The following EEF1AKMT2 variants were observed in gnomAD, a reference collection of about 807,000 sequenced individuals.
The protein encoded by EEF1AKMT2 is EEF1A lysine methyltransferase 2.
EEF1AKMT2 carries 32 observed loss-of-function variants against 35.8 expected under a neutral mutation model. The ratio of observed to expected loss-of-function variants is 0.89; its 90% CI spans 0.67 to 1.20. EEF1AKMT2 has a LOEUF of 1.20. EEF1AKMT2 is among the 50% of genes most tolerant of loss of function. The probability of loss-of-function intolerance (pLI) is 0.00; values close to 1 mark genes in which losing one functional copy is unlikely to be tolerated. For missense variants in EEF1AKMT2, 330 were observed against 347.5 expected, an observed-to-expected ratio of 0.95 and a Z score of 0.40; for synonymous variants, 121 against 133.7, an observed-to-expected ratio of 0.91 and a Z score of 0.65.
At chr10:124,773,185 T>C (rs1008569464) in intron 4 of EEF1AKMT2, among the ~76,000 whole-genome samples, 1 of 152,190 alleles carries the variant, frequency 6.6e-6, no homozygotes, top group Non-Finnish European at 1.5e-5. Flanking sequence ...GGGTTGTTTA[T>C]TTTTTATCCT....
At chr10:124,767,901 G>C (rs566908502) in intron 4 of EEF1AKMT2, among the ~76,000 whole-genome samples, 40 of 152,298 alleles carry the variant, frequency 2.6e-4, no homozygotes, top group African/African-American at 8.9e-4. Context: ...CAGGAGAATC[G>C]TTTGAACCCA....
intron 3 of EEF1AKMT2, among the ~76,000 whole-genome samples, chr10:124,778,598 C>T (rs1950508920): frequency 6.6e-6 from 1 of 151,986 alleles, no homozygotes; most frequent in Non-Finnish European, 1.5e-5. Context: ...GTGGCACATG[C>T]CTGTAATCCC....
At chr10:124,772,414 CTTTTT>C (rs1950444755) in intron 4 of EEF1AKMT2, among the ~76,000 whole-genome samples, 1 of 116,096 alleles carries the variant, frequency 8.6e-6, no homozygotes, top group African/African-American at 3.1e-5. Context: ...GGCTTCTTTT[CTTTTT>C]CTTTTTTTTT....
chr10:124,767,855 G>C (rs551324407), intron 4 of EEF1AKMT2, among the ~76,000 whole-genome samples: 40 of 152,004 alleles, frequency 2.6e-4, no homozygotes, highest in African/African-American at 8.9e-4. Flanking sequence ...GCGTGGTGGC[G>C]CATGCCAGTA....
intron 4 of EEF1AKMT2, among the ~76,000 whole-genome samples, chr10:124,771,781 A>G (rs929019256): frequency 6.6e-6 from 1 of 152,106 alleles, no homozygotes; most frequent in Non-Finnish European, 1.5e-5. Context: ...AGGCAGGAGA[A>G]TGGCATGAAC....
intron 3 of EEF1AKMT2, among the ~76,000 whole-genome samples, chr10:124,780,895 T>C (rs1950533692): frequency 6.6e-6 from 1 of 151,302 alleles, no homozygotes; most frequent in Non-Finnish European, 1.5e-5. Context: ...AAAACAACAA[T>C]TCAAATGACT....
chr10:124,781,757 A>C (rs1950542513), intron 3 of EEF1AKMT2, among the ~76,000 whole-genome samples: 1 of 151,932 alleles, frequency 6.6e-6, no homozygotes, highest in African/African-American at 2.4e-5. Context: ...AGAAAGAAAA[A>C]AAAAAAGCTC....
At position 124,774,725 on chromosome 10, in the gene EEF1AKMT2, G is replaced by C; in HGVS notation, c.349C>G (p.Leu117Val). ...TCTTTTTCTATAATACTTCCAGAAA[G>C]CTGAATTGCAGAAGGAGAGTAATCA... ...GIDYSPSAIQ[L>V]SGSIIEKEGL... Residue 117 changes from leucine (L) to valine (V), a missense_variant, in exon 4 of 7, where the codon CTT (leucine) becomes GTT (valine). Physicochemically the swap from Leu to Val is conservative, Grantham distance 32. Transcript: ENST00000368836. The C allele has an allele frequency of 2.7e-6, 4 of 1,485,440 alleles. No individual in the cohort carries two copies. The highest frequency in any genetic ancestry group is 3.6e-6 in the Non-Finnish European group (4 of 1,122,156). The allele number at this position is 1,485,440 out of a possible 1,614,324, so 92.0% of individuals were successfully genotyped here.
At chr10:124,771,154 C>T (rs1008205294) in intron 4 of EEF1AKMT2, among the ~76,000 whole-genome samples, 2 of 151,368 alleles carry the variant, frequency 1.3e-5, no homozygotes, top group Non-Finnish European at 2.9e-5. Context: ...GGCTGGAGTG[C>T]AGCGGCTAGA....
At chr10:124,791,126 C>T (rs1201647819) in intron 1 of EEF1AKMT2, among the ~76,000 whole-genome samples, 1 of 152,140 alleles carries the variant, frequency 6.6e-6, no homozygotes, top group Non-Finnish European at 1.5e-5. Context: ...TCCCTGCTCC[C>T]TCTCATCCCG....
At chr10:124,789,702 T>A (rs2134146953) in intron 2 of EEF1AKMT2, among the ~76,000 whole-genome samples, 1 of 150,278 alleles carries the variant, frequency 6.7e-6, no homozygotes, top group Non-Finnish European at 1.5e-5. Flanking sequence ...ATGTAACGAG[T>A]TATGATGATC....
chr10:124,791,644 G>T, intron 1 of EEF1AKMT2, 80 bp downstream of exon 1: 2 of 1,529,502 alleles, frequency 1.3e-6, no homozygotes, highest in South Asian at 2.4e-5. Flanking sequence ...CTGAGCCCCG[G>T]GTCTCCACCC....
chr10:124,779,874 A>G (rs1950525736), intron 3 of EEF1AKMT2, among the ~76,000 whole-genome samples: 1 of 151,132 alleles, frequency 6.6e-6, no homozygotes, highest in Admixed American at 6.6e-5. Context: ...CATCCTGGCT[A>G]ACAGAGTGAA....
chr10:124,773,682 G>A (rs1359864704), intron 4 of EEF1AKMT2, among the ~76,000 whole-genome samples: 1 of 152,034 alleles, frequency 6.6e-6, no homozygotes, highest in African/African-American at 2.4e-5. Context: ...ATCTTACGTG[G>A]GCACAGTTCA....
intron 3 of EEF1AKMT2, among the ~76,000 whole-genome samples, chr10:124,787,915 C>T (rs1488005140): frequency 1.3e-5 from 2 of 152,144 alleles, no homozygotes; most frequent in African/African-American, 4.8e-5. Context: ...CACTATATCT[C>T]AATGTTTCAA....
chr10:124,765,440 TTATTAGA>T lies in EEF1AKMT2; in HGVS notation c.561_567del (p.Phe187LeufsTer12), dbSNP rs774663454. On this transcript the variant is annotated frameshift_variant, in exon 5 of 7. Transcript: ENST00000368836. LOFTEE classifies it high-confidence loss of function. ...TCTTCCTTGGTCCAATTACATGACG[TTATTAGA>T]AAAAAGCCTTTTACTTTCAACACCC... 1.9e-6 allele frequency: 3 copies of T among 1,614,024 alleles called. No individual in the cohort carries two copies. The East Asian group carries it at 6.7e-5, about 36-fold the overall frequency.
Position 124,791,886 on chromosome 10 carries a change from G to GA in EEF1AKMT2, c.-54_-53insT. On this transcript the variant is annotated 5_prime_UTR_variant, in exon 1 of 7. Transcript: ENST00000368836. Reference sequence around the variant, plus strand: ...GGGCCGCCATAGAGACGGGGCACAGGCAGAGCGGACGAGCGGACCGGCGCC... The same window carrying GA: ...GGGCCGCCATAGAGACGGGGCACAGGACAGAGCGGACGAGCGGACCGGCGCC... 6.6e-7 allele frequency: 1 copy of GA among 1,512,458 alleles called. No individual in the cohort carries two copies. Among genetic ancestry groups the GA allele is most frequent in the Non-Finnish European group, 8.8e-7 (1 of 1,135,422 alleles). The allele number at this position is 1,512,458 out of a possible 1,614,324, so 93.7% of individuals were successfully genotyped here. A position where few individuals can be genotyped will look rare whatever the true frequency, so the allele number is the denominator to read the frequency against.
At chr10:124,779,766 A>G (rs1334419011) in intron 3 of EEF1AKMT2, among the ~76,000 whole-genome samples, 43 of 140,102 alleles carry the variant, frequency 3.1e-4, no homozygotes, top group Non-Finnish European at 5.3e-4. Context: ...AAAAAAAAAA[A>G]AAAAGAAACA....
Position 124,791,881 on chromosome 10 carries a change from C to T in EEF1AKMT2, c.-48G>A, listed in dbSNP as rs1284648310. 1 of 1,523,218 alleles carries T rather than the reference C, an allele frequency of 6.6e-7. No homozygotes were observed. The highest frequency in any genetic ancestry group is 8.8e-7 in the Non-Finnish European group (1 of 1,140,498). 94.4% of individuals were successfully genotyped at this position (1,523,218 alleles called of 1,614,324 possible). On this transcript the variant is annotated 5_prime_UTR_variant, in exon 1 of 7. Transcript: ENST00000368836. Reference sequence around the variant, plus strand: ...CGTTGGGGCCGCCATAGAGACGGGGCACAGGCAGAGCGGACGAGCGGACCG... The same window carrying T: ...CGTTGGGGCCGCCATAGAGACGGGGTACAGGCAGAGCGGACGAGCGGACCG...
Sources: allele counts gnomAD v4.1 joint callset (sites outside exome capture counted in the v4.1 genomes callset), GRCh38; gene constraint gnomAD v4.1.1; transcripts MANE v1.5; gene names NCBI Gene and HGNC (gene_info 2026-07-23, HGNC 2026-07-21).